BAIAP3: variants seen among roughly 807,000 people sequenced by gnomAD.
The protein encoded by BAIAP3 is BAI1 associated protein 3.
A neutral mutation model predicts 149.7 loss-of-function variants in BAIAP3; 180 were observed. The observed-to-expected ratio is 1.20, with a 90% CI of 1.07 to 1.36. The LOEUF is 1.36. Among genes scored for constraint, BAIAP3 ranks in the 40% most tolerant of loss-of-function variants. The probability of loss-of-function intolerance (pLI) is 0.00; values close to 1 mark genes in which losing one functional copy is unlikely to be tolerated. For missense variants in BAIAP3, 1,767 were observed against 1,563.4 expected (o/e 1.13, Z -2.20); for synonymous variants, 845 against 670.7 (o/e 1.26, Z -4.02).
At position 1,347,823 on chromosome 16, in the gene BAIAP3, T is replaced by C; in HGVS notation, c.3025+2T>C. On this transcript the variant is annotated splice_donor_variant, in intron 31 of 33. Coordinates refer to ENST00000426824, the MANE Select transcript of BAIAP3 (RefSeq NM_001199097.2). LOFTEE classifies it high-confidence loss of function. ...ACCTGCTCCCCCTGGACGCCAACGG[T>C]GAGTTGCAGCGGGGACGGGTCGGGT... The C allele has an allele frequency of 6.2e-7, 1 of 1,602,622 alleles. No homozygotes were observed. Among genetic ancestry groups the C allele is most frequent in the South Asian group, 1.1e-5 (1 of 90,690 alleles).
rs768075581 is a variant in BAIAP3 at position 1,346,856 on chromosome 16, G to A, written c.2652G>A (p.Glu884=). The change falls in exon 28 of 34, where the codon GAG becomes GAA. Residue 884 remains glutamate, a synonymous_variant. Coordinates refer to ENST00000426824, the MANE Select transcript of BAIAP3 (RefSeq NM_001199097.2). The part of the protein sequence containing the change: ...LVKGNLSRVL[E]ALWELLLQAI... ...TGATGCTGCCCTGCAGGGTGCTGGAGGCCCTGTGGGAGCTACTCCTCCAGG... is the reference window on the plus strand; with the variant it reads ...TGATGCTGCCCTGCAGGGTGCTGGAAGCCCTGTGGGAGCTACTCCTCCAGG... The A allele has an allele frequency of 2.5e-6, 4 of 1,604,118 alleles. No individual in the cohort carries two copies. The highest frequency in any genetic ancestry group is 1.3e-5 in the African/African-American group (1 of 74,948).
intron 4 of BAIAP3, 65 bp downstream of exon 4, chr16:1,339,309 G>A: frequency 1.3e-6 from 2 of 1,535,872 alleles, no homozygotes; most frequent in Non-Finnish European, 1.8e-6. Flanking sequence ...CCGTTTAGAG[G>A]CACCTACTGT....
At chr16:1,334,117 G>A (rs1383581270) in intron 1 of BAIAP3, among the ~76,000 whole-genome samples, 2 of 152,082 alleles carry the variant, frequency 1.3e-5, no homozygotes, top group African/African-American at 2.4e-5. Context: ...CTCCCCGGGG[G>A]AGCAGACGGG....
intron 5 of BAIAP3, 62 bp downstream of exon 5, chr16:1,339,665 C>A (rs573543196): frequency 4.7e-6 from 6 of 1,263,552 alleles, no homozygotes; most frequent in Non-Finnish European, 6.8e-6. Context: ...CCCTTCCCCA[C>A]CCACTGACAC....
At chr16:1,347,051 G>A in intron 28 of BAIAP3, 96 bp downstream of exon 28, 2 of 1,228,548 alleles carry the variant, frequency 1.6e-6, no homozygotes, top group Non-Finnish European at 1.2e-6. Flanking sequence ...GTCTCCTGTG[G>A]CTGGAGAGCA....
In BAIAP3 at chr16:1,347,945, C is replaced by T; in HGVS notation, c.3077C>T (p.Pro1026Leu). 1 of 1,612,086 alleles carries T rather than the reference C, an allele frequency of 6.2e-7. No individual in the cohort carries two copies. The highest frequency in any genetic ancestry group is 8.5e-7 in the Non-Finnish European group (1 of 1,179,940). The change falls in exon 32 of 34, where the codon CCA (proline) becomes CTA (leucine). Residue 1026 changes from proline (P) to leucine (L), a missense_variant. Transcript: ENST00000426824. ...IVELGPPHLF[P>L]LVRSQRTQVK... ...GAGCTGGGCCCACCGCATCTCTTTC[C>T]ACTGGTCCGCAGCCAGAGGACCCAG...
At position 1,349,279 on chromosome 16, in the gene BAIAP3, G is replaced by A. The variant is rs1366107827; in HGVS notation, c.*797G>A. ...CTTCATTTGCGAGAGCGCCGAGGCA[G>A]GACACAGAGCACAGCTGTGCTGGAA... On this transcript the variant is annotated 3_prime_UTR_variant, in exon 34 of 34. Coordinates refer to ENST00000426824, the MANE Select transcript of BAIAP3 (RefSeq NM_001199097.2). 12 of 814,362 alleles carry A rather than the reference G, an allele frequency of 1.5e-5. No homozygotes were observed. Among genetic ancestry groups the A allele is most frequent in the Non-Finnish European group, 2.1e-5 (10 of 486,232 alleles). The allele number at this position is 814,362 out of a possible 1,614,324, so 50.4% of individuals were successfully genotyped here.
In BAIAP3 at chr16:1,349,411, C is replaced by G; in HGVS notation, c.*929C>G. The G allele has an allele frequency of 6.2e-7, 1 of 1,613,470 alleles. No homozygotes were observed. Among genetic ancestry groups the G allele is most frequent in the Non-Finnish European group, 8.5e-7 (1 of 1,179,826 alleles). ...TCTCTAGATTTTCTCGTCACCCAGC[C>G]TCAAAAATATATGTGTCTGCAACCC... is the stretch of plus-strand genomic sequence containing the variant. On this transcript the variant is annotated 3_prime_UTR_variant, in exon 34 of 34. Transcript: ENST00000426824.
At chr16:1,347,498 T>C in intron 29 of BAIAP3, 47 bp from the exon 30 acceptor site, 2 of 1,540,296 alleles carry the variant, frequency 1.3e-6, no homozygotes, top group Non-Finnish European at 1.7e-6. Flanking sequence ...GTGCCAGCGC[T>C]GACCACCAGC....
Position 1,347,125 on chromosome 16 carries a change from G to A in BAIAP3, c.2751+170G>A, listed in dbSNP as rs952368781. Reference sequence around the variant, plus strand: ...TGCCGAGGTGTGGCCTCTGGTGATGGCCTTTCCCCACGCTTCCTGGGAGCT... The same window carrying A: ...TGCCGAGGTGTGGCCTCTGGTGATGACCTTTCCCCACGCTTCCTGGGAGCT... On this transcript the variant is annotated intron_variant, in intron 28 of 33. Transcript: ENST00000426824. The A allele has an allele frequency of 3.9e-5, 34 of 881,800 alleles. No homozygotes were observed. In the South Asian group the frequency reaches 5.3e-4, roughly 14 times the overall value. The allele number at this position is 881,800 out of a possible 1,614,324, so 54.6% of individuals were successfully genotyped here.
chr16:1,343,233 C>T (rs1485375388), intron 14 of BAIAP3, 160 bp from the exon 15 acceptor site: 3 of 1,204,694 alleles, frequency 2.5e-6, no homozygotes, highest in Non-Finnish European at 3.5e-6. Flanking sequence ...TGAGTAGGTA[C>T]GGCAGCGCTA....
rs530110223 is a variant in BAIAP3, at chr16:1,336,150, C to T, written c.-10-2390C>T. The T allele has an allele frequency of 1.2e-5, 11 of 944,958 alleles. No homozygotes were observed. In the East Asian group the frequency reaches 5.8e-4, roughly 50 times the overall value. 58.5% of individuals were successfully genotyped at this position (944,958 alleles called of 1,614,324 possible). A position where few individuals can be genotyped will look rare whatever the true frequency, so the allele number is the denominator to read the frequency against. Reference sequence around the variant, plus strand: ...GCCCCCATCGCCCCTGTCACACGCACATGCCGCGGCGGTTGCCCTGGCAAC... The same window carrying T: ...GCCCCCATCGCCCCTGTCACACGCATATGCCGCGGCGGTTGCCCTGGCAAC... On this transcript the variant is annotated intron_variant, in intron 1 of 33. Transcript: ENST00000426824.
intron 17 of BAIAP3, 73 bp from the exon 18 acceptor site, chr16:1,344,396 G>C (rs1345169024): frequency 9.1e-5 from 146 of 1,609,790 alleles, no homozygotes; most frequent in Non-Finnish European, 1.5e-5. Flanking sequence ...CTGCACCTCT[G>C]CACCACGGTC....
In BAIAP3 at chr16:1,341,855, C is replaced by T. The variant is rs2033946615; in HGVS notation, c.765C>T (p.His255=). The T allele has an allele frequency of 2.5e-6, 4 of 1,612,278 alleles. No individual in the cohort carries two copies. The highest frequency in any genetic ancestry group is 3.4e-6 in the Non-Finnish European group (4 of 1,179,792). ...EIEDVSTDQL[H]LDIWDHDDDV... is the part of the protein sequence containing the mutation. ...AGGATGTGAGCACGGACCAGCTGCACCTGGACATCTGGTACAGGCCCCTGC... is the reference window on the plus strand; with the variant it reads ...AGGATGTGAGCACGGACCAGCTGCATCTGGACATCTGGTACAGGCCCCTGC... Residue 255 remains histidine (H), a synonymous_variant, in exon 9 of 34, where the codon CAC becomes CAT. Transcript: ENST00000426824.
intron 1 of BAIAP3, chr16:1,334,430 G>T (rs918061940): frequency 5.0e-5 from 28 of 560,284 alleles, no homozygotes; most frequent in East Asian, 4.2e-4. Flanking sequence ...GGCGCCCGGG[G>T]CCCCGGGAAA....
intron 15 of BAIAP3, among the ~76,000 whole-genome samples, 197 bp from the exon 16 acceptor site, chr16:1,343,825 G>A (rs1022691045): frequency 9.9e-5 from 15 of 152,230 alleles, no homozygotes; most frequent in African/African-American, 3.4e-4. Context: ...CAGGCCCTAC[G>A]TGAGCTGCGT....
chr16:1,348,679 A>G lies in BAIAP3; in HGVS notation c.*197A>G, dbSNP rs959595168. On this transcript the variant is annotated 3_prime_UTR_variant, in exon 34 of 34. Transcript: ENST00000426824. ...GTGTGTGCTGTGAACCCCTGCACCC[A>G]ACCCCACATCTGGGTGGCCAACTTG... 1.5e-5 allele frequency: 9 copies of G among 620,620 alleles called. No homozygotes were observed. The African/African-American group carries it at 1.5e-4, about 10-fold the overall frequency. The allele number at this position is 620,620 out of a possible 1,614,324, so 38.4% of individuals were successfully genotyped here. A position where few individuals can be genotyped will look rare whatever the true frequency, so the allele number is the denominator to read the frequency against.
In BAIAP3 at chr16:1,341,348, G is replaced by A. The variant is rs145056617; in HGVS notation, c.590G>A (p.Arg197Gln). The A allele has an allele frequency of 1.5e-5, 24 of 1,611,968 alleles. No individual in the cohort carries two copies. The highest frequency in any genetic ancestry group is 1.9e-5 in the Non-Finnish European group (23 of 1,179,798). The change falls in exon 8 of 34, where the codon CGG becomes CAG. Residue 197 changes from arginine to glutamine, a missense_variant. Coordinates refer to ENST00000426824, the MANE Select transcript of BAIAP3 (RefSeq NM_001199097.2). The part of the protein sequence containing the change: ...LGILPASDAT[R>Q]EPRAQKEQRF... ...ATCCTGCCTGCCTCGGACGCCACGC[G>A]GGAGCCCCGTGCACAGAAGGAGCAG...
chr16:1,343,585 G>A, intron 15 of BAIAP3, 72 bp downstream of exon 15: 1 of 1,565,270 alleles, frequency 6.4e-7, no homozygotes. Context: ...CTCAGTGCCG[G>A]TCGGCGAGGG....
Sources: gnomAD v4.1 joint callset for allele counts (sites outside exome capture counted in the v4.1 genomes callset) on GRCh38, gnomAD v4.1.1 for gene constraint, MANE v1.5 for transcripts, NCBI Gene and HGNC (gene_info 2026-07-23, HGNC 2026-07-21) for gene names.